Variants in OR56A3 observed in about 807,000 individuals in gnomAD.
OR56A3 encodes the protein olfactory receptor 56A3.
A neutral mutation model predicts 17.5 loss-of-function variants in OR56A3; 23 were observed. The ratio of observed to expected loss-of-function variants is 1.32; its 90% CI spans 0.95 to 1.87. The LOEUF (loss-of-function observed/expected upper bound fraction) is 1.87. Ranked by LOEUF, OR56A3 falls within the 40% of genes most tolerant of loss-of-function variation. OR56A3 has a pLI of 0.00. For missense variants in OR56A3, 366 were observed against 380.1 expected (o/e 0.96, Z 0.31); for synonymous variants, 175 against 150.6 (o/e 1.16, Z -1.19).
At chr11:5,976,542 T>C in the OR56A3 span, among the ~76,000 whole-genome samples, 2 of 152,218 alleles carry the variant, frequency 1.3e-5, no homozygotes, top group Non-Finnish European at 1.5e-5. Flanking sequence ...GTATAATCTG[T>C]AGTAGTAACA....
chr11:5,954,145 T>TAGG (rs1374271807), downstream of OR56A3, among the ~76,000 whole-genome samples: 1 of 152,160 alleles, frequency 6.6e-6, no homozygotes, highest in Non-Finnish European at 1.5e-5. Context: ...TTAATTGCAT[T>TAGG]ATTGCTTAGG....
chr11:5,946,031 A>G (rs939645044), intron 2 of OR56A3, among the ~76,000 whole-genome samples: 1 of 152,236 alleles, frequency 6.6e-6, no homozygotes, highest in African/African-American at 2.4e-5. Flanking sequence ...TATGCACAAT[A>G]AAACTGCATG....
the OR56A3 span, among the ~76,000 whole-genome samples, chr11:5,965,787 G>A: frequency 6.6e-6 from 1 of 152,116 alleles, no homozygotes; most frequent in African/African-American, 2.4e-5. Context: ...ATAAAGGATG[G>A]GTTTGTGGAG....
chr11:6,006,830 ATCC>A, the OR56A3 span: 2 of 152,266 alleles, frequency 1.3e-5, no homozygotes, highest in Non-Finnish European at 2.9e-5. Flanking sequence ...AGAGTTCTAT[ATCC>A]TTTTCACACC....
At chr11:6,009,758 G>C in the OR56A3 span, among the ~76,000 whole-genome samples, 1 of 152,110 alleles carries the variant, frequency 6.6e-6, no homozygotes, top group African/African-American at 2.4e-5. Context: ...TTCTCTTTAT[G>C]ATTAATTAAG....
the OR56A3 span, among the ~76,000 whole-genome samples, chr11:5,981,127 G>A: frequency 6.6e-6 from 1 of 152,140 alleles, no homozygotes; most frequent in Non-Finnish European, 1.5e-5. Context: ...GGAGAATCTG[G>A]TGAATATGTG....
chr11:6,014,370 C>T, the OR56A3 span, among the ~76,000 whole-genome samples: 9 of 152,310 alleles, frequency 5.9e-5, no homozygotes, highest in Admixed American at 1.3e-4. Flanking sequence ...CACCATCCTC[C>T]GGGTGCTGCT....
chr11:6,002,633 G>A, the OR56A3 span: 6 of 1,614,226 alleles, frequency 3.7e-6, no homozygotes, highest in Non-Finnish European at 8.5e-7. Flanking sequence ...CATAGGCCAT[G>A]ACCATGAACG....
chr11:5,978,736 C>T, the OR56A3 span, among the ~76,000 whole-genome samples: 45 of 152,016 alleles, frequency 3.0e-4, no homozygotes, highest in Admixed American at 2.6e-3. Context: ...GCTCTGTCCA[C>T]GACTTCCAGT....
At chr11:6,007,594 A>G in the OR56A3 span, among the ~76,000 whole-genome samples, 1 of 152,146 alleles carries the variant, frequency 6.6e-6, no homozygotes, top group East Asian at 1.9e-4. Context: ...AAAATAAGAA[A>G]GGAAAGATAG....
At chr11:5,999,416 C>A in the OR56A3 span, 2 of 152,080 alleles carry the variant, frequency 1.3e-5, no homozygotes, top group African/African-American at 2.4e-5. Context: ...TTTGAAAAAA[C>A]AATAAAAAAT....
the OR56A3 span, among the ~76,000 whole-genome samples, chr11:5,979,119 A>AT: frequency 0.26 from 36,490 of 139,294 alleles, 4,864 homozygotes; most frequent in South Asian, 0.37. Context: ...GTTAGCTAGT[A>AT]TTTTTTTTTT....
the OR56A3 span, among the ~76,000 whole-genome samples, chr11:6,015,050 G>A: frequency 2.3e-5 from 3 of 131,768 alleles, no homozygotes; most frequent in Non-Finnish European, 4.7e-5. Context: ...TAAAAGGGAA[G>A]CAGAGCATAA....
At chr11:5,952,452 T>C (rs551784839), downstream of OR56A3, among the ~76,000 whole-genome samples, 1 of 152,282 alleles carries the variant, frequency 6.6e-6, no homozygotes, top group African/African-American at 2.4e-5. Flanking sequence ...GTAGAAATTA[T>C]GATTCAATAC....
At chr11:5,953,662 T>C (rs561154412), downstream of OR56A3, among the ~76,000 whole-genome samples, 34 of 152,320 alleles carry the variant, frequency 2.2e-4, no homozygotes, top group African/African-American at 7.7e-4. Context: ...CAGTGAGAGC[T>C]TTAAAACTTC....
In OR56A3 at chr11:5,947,606, C is replaced by A. The variant is rs777713718; in HGVS notation, c.260C>A (p.Thr87Asn). ...LCLTVIPKVL[T>N]IFWFDLRPIS... ...CTCACTGTCATCCCCAAGGTCCTGA[C>A]CATCTTCTGGTTTGACCTCAGGCCC... The change falls in exon 3 of 3, where the codon ACC becomes AAC. Residue 87 changes from threonine to asparagine, a missense_variant. By Grantham distance (65) the Thr-to-Asn change is moderately conservative (BLOSUM62 0). Coordinates refer to ENST00000641160, the MANE Select transcript of OR56A3 (RefSeq NM_001003443.3). 6.2e-7 allele frequency: 1 copy of A among 1,614,100 alleles called. No homozygotes were observed. The highest frequency in any genetic ancestry group is 1.3e-5 in the African/African-American group (1 of 74,946).
chr11:5,964,117 C>T, the OR56A3 span, among the ~76,000 whole-genome samples: 1 of 151,718 alleles, frequency 6.6e-6, no homozygotes, highest in Non-Finnish European at 1.5e-5. Context: ...TTATTATTTT[C>T]CTTATTTTCT....
In OR56A3 at chr11:5,947,566, G is replaced by T; in HGVS notation, c.220G>T (p.Asp74Tyr). The T allele has an allele frequency of 6.2e-7, 1 of 1,614,118 alleles. No individual in the cohort carries two copies. The highest frequency in any genetic ancestry group is 8.5e-7 in the Non-Finnish European group (1 of 1,180,034). ...CCTGCTCAGCCTCCTCTCCCTGCTGGACATCGTGCTCTGCCTCACTGTCAT... is the reference window on the plus strand; with the variant it reads ...CCTGCTCAGCCTCCTCTCCCTGCTGTACATCGTGCTCTGCCTCACTGTCAT... ...YYLLSLLSLL[D>Y]IVLCLTVIPK... The change falls in exon 3 of 3, where the codon GAC (aspartate) becomes TAC (tyrosine). Residue 74 changes from aspartate (D) to tyrosine (Y), a missense_variant. Physicochemically the swap from Asp to Tyr is radical, Grantham distance 160 (BLOSUM62 -3). Coordinates refer to ENST00000641160, the MANE Select transcript of OR56A3 (RefSeq NM_001003443.3).
At chr11:5,993,260 A>G in the OR56A3 span, among the ~76,000 whole-genome samples, 1 of 152,226 alleles carries the variant, frequency 6.6e-6, no homozygotes, top group Non-Finnish European at 1.5e-5. Flanking sequence ...GCCGTGGAGC[A>G]CCATGAAGAA....
Sources: gnomAD v4.1 joint callset for allele counts (sites outside exome capture counted in the v4.1 genomes callset) on GRCh38, gnomAD v4.1.1 for gene constraint, MANE v1.5 for transcripts, NCBI Gene and HGNC (gene_info 2026-07-23, HGNC 2026-07-21) for gene names.